The following ZNF804A variants were observed in gnomAD, a reference collection of about 807,000 sequenced individuals.
ZNF804A encodes the protein zinc finger protein 804A.
ZNF804A carries 2 observed loss-of-function variants against 16.5 expected under a neutral mutation model. That is an observed-to-expected ratio of 0.12 (90% CI 0.05 to 0.38). The LOEUF (loss-of-function observed/expected upper bound fraction) is 0.38, where lower values mean the gene tolerates loss of function less well. ZNF804A is among the 10% of genes least tolerant of loss of function. The pLI is 0.99. For missense variants in ZNF804A, 1,473 were observed against 1,390.7 expected, an observed-to-expected ratio of 1.06 and a Z score of -0.94; for synonymous variants, 534 against 489.6, an observed-to-expected ratio of 1.09 and a Z score of -1.20.
intron 1 of ZNF804A, among the ~76,000 whole-genome samples, chr2:184,620,286 G>A (rs901817907): frequency 1.3e-5 from 2 of 149,642 alleles, no homozygotes; most frequent in Non-Finnish European, 3.0e-5. Context: ...GTGTGACAAA[G>A]ATTCCTACAA....
intron 1 of ZNF804A, among the ~76,000 whole-genome samples, chr2:184,766,502 T>G (rs1440593255): frequency 3.3e-5 from 5 of 151,834 alleles, no homozygotes; most frequent in African/African-American, 1.2e-4. Context: ...TGTTTTAGAG[T>G]GAATATATAA....
At chr2:184,718,543 C>A (rs1693249924) in intron 1 of ZNF804A, among the ~76,000 whole-genome samples, 1 of 152,116 alleles carries the variant, frequency 6.6e-6, no homozygotes, top group Admixed American at 6.5e-5. Flanking sequence ...TTCCTAGATA[C>A]AATGGGGGTA....
At position 184,662,420 on chromosome 2, in the gene ZNF804A, C is replaced by A. The variant is rs185826160; in HGVS notation, c.111+63350C>A. On this transcript the variant is annotated intron_variant, in intron 1 of 3. Transcript: ENST00000302277. ...TAAAGTTCCCTCTTTGTGTGACTAC[C>A]CAAATTATCTAAAGAAAATATAAGT... Among the ~76,000 whole-genome samples, 9 of 152,148 alleles carry A rather than the reference C, an allele frequency of 5.9e-5. No individual in the cohort carries two copies. In the East Asian group the frequency reaches 1.5e-3, roughly 26 times the overall value.
At chr2:184,914,388 C>G (rs1355471236) in intron 2 of ZNF804A, among the ~76,000 whole-genome samples, 1 of 152,154 alleles carries the variant, frequency 6.6e-6, no homozygotes, top group Non-Finnish European at 1.5e-5. Flanking sequence ...CTAGGTATAA[C>G]TTCCATTGTT....
At chr2:184,691,758 G>T (rs939211739) in intron 1 of ZNF804A, among the ~76,000 whole-genome samples, 1 of 151,466 alleles carries the variant, frequency 6.6e-6, no homozygotes, top group African/African-American at 2.4e-5. Context: ...GTACGAATTC[G>T]TTGTTTTATT....
At chr2:184,719,501 T>C (rs1178819883) in intron 1 of ZNF804A, among the ~76,000 whole-genome samples, 1 of 152,164 alleles carries the variant, frequency 6.6e-6, no homozygotes, top group Non-Finnish European at 1.5e-5. Flanking sequence ...AACTTTTATG[T>C]TCTCCTTCCC....
chr2:184,896,817 T>G (rs749291018), intron 2 of ZNF804A, among the ~76,000 whole-genome samples: 12 of 141,158 alleles, frequency 8.5e-5, no homozygotes, highest in Non-Finnish European at 1.6e-4. Context: ...ACAAGTGGTA[T>G]TTGCTGTGCA....
intron 2 of ZNF804A, among the ~76,000 whole-genome samples, chr2:184,932,996 T>A (rs1312723478): frequency 6.6e-6 from 1 of 152,162 alleles, no homozygotes; most frequent in Non-Finnish European, 1.5e-5. Context: ...GGGATTGTTT[T>A]AAACCACATC....
chr2:184,895,816 T>C (rs539778588), intron 2 of ZNF804A, among the ~76,000 whole-genome samples: 1 of 152,350 alleles, frequency 6.6e-6, no homozygotes, highest in South Asian at 2.1e-4. Flanking sequence ...ATGTAGTCTT[T>C]AGTTCAGCAC....
At chr2:184,749,905 C>T (rs1440028621) in intron 1 of ZNF804A, among the ~76,000 whole-genome samples, 2 of 151,110 alleles carry the variant, frequency 1.3e-5, no homozygotes, top group Non-Finnish European at 3.0e-5. Flanking sequence ...GATTTAAGAT[C>T]CTGCAAAAGT....
chr2:184,823,056 T>C (rs1055602157), intron 1 of ZNF804A, among the ~76,000 whole-genome samples: 6 of 152,254 alleles, frequency 3.9e-5, no homozygotes, highest in Admixed American at 3.3e-4. Context: ...AATTTATAAA[T>C]GATAGAAATG....
At chr2:184,648,776 G>C (rs1187957533) in intron 1 of ZNF804A, among the ~76,000 whole-genome samples, 1 of 152,126 alleles carries the variant, frequency 6.6e-6, no homozygotes, top group Non-Finnish European at 1.5e-5. Context: ...GGAGCACCCT[G>C]ATTTACAAAA....
chr2:184,641,770 A>G (rs1691799887), intron 1 of ZNF804A, among the ~76,000 whole-genome samples: 1 of 152,204 alleles, frequency 6.6e-6, no homozygotes, highest in South Asian at 2.1e-4. Context: ...ATTTTCTAGA[A>G]TTTAATTGCA....
chr2:184,721,583 A>T (rs1471091490), intron 1 of ZNF804A, among the ~76,000 whole-genome samples: 2 of 152,126 alleles, frequency 1.3e-5, no homozygotes, highest in Non-Finnish European at 2.9e-5. Flanking sequence ...ACAAAAAAAT[A>T]ACAGGTGCTG....
At chr2:184,880,114 T>A (rs1366100428) in intron 2 of ZNF804A, among the ~76,000 whole-genome samples, 1 of 152,070 alleles carries the variant, frequency 6.6e-6, no homozygotes, top group Non-Finnish European at 1.5e-5. Context: ...AGTTAGATTT[T>A]CTAAGAGTGA....
intron 1 of ZNF804A, among the ~76,000 whole-genome samples, chr2:184,837,348 C>G (rs753085395): frequency 2.0e-5 from 3 of 152,028 alleles, no homozygotes; most frequent in Admixed American, 2.0e-4. Context: ...GGCATATTTT[C>G]TAGCGTTAAT....
intron 2 of ZNF804A, among the ~76,000 whole-genome samples, chr2:184,874,308 C>T: frequency 6.6e-6 from 1 of 152,080 alleles, no homozygotes; most frequent in South Asian, 2.1e-4. Context: ...AATTATTAAA[C>T]TGGATAGTGG....
At chr2:184,892,539 C>T (rs1403769529) in intron 2 of ZNF804A, among the ~76,000 whole-genome samples, 3 of 133,084 alleles carry the variant, frequency 2.3e-5, no homozygotes, top group African/African-American at 8.3e-5. Flanking sequence ...GGCTGGAGTG[C>T]AGTGGCTCGA....
At chr2:184,858,397 G>C (rs868474789) in intron 1 of ZNF804A, among the ~76,000 whole-genome samples, 1 of 151,498 alleles carries the variant, frequency 6.6e-6, no homozygotes, top group Non-Finnish European at 1.5e-5. Flanking sequence ...CCAGGCACTC[G>C]GGAGGGTGAG....
Sources: gnomAD v4.1 joint callset for allele counts (sites outside exome capture counted in the v4.1 genomes callset) on GRCh38, gnomAD v4.1.1 for gene constraint, MANE v1.5 for transcripts, NCBI Gene and HGNC (gene_info 2026-07-23, HGNC 2026-07-21) for gene names.